Variants in VTA1 observed in about 807,000 individuals in gnomAD.
VTA1 encodes the protein vacuolar protein sorting-associated protein VTA1 homolog.
Under a neutral mutation model 36.9 loss-of-function variants are expected in VTA1, and 24 were observed. The observed-to-expected ratio is 0.65, with a 90% confidence interval of 0.47 to 0.91. The LOEUF (loss-of-function observed/expected upper bound fraction) is 0.91, where lower values mean the gene tolerates loss of function less well. VTA1 is among the 40% of genes least tolerant of loss of function. The pLI is 0.00. For synonymous variants in VTA1, 142 were observed against 130.2 expected, an observed-to-expected ratio of 1.09 and a Z score of -0.62; for missense variants, 393 against 377.2, an observed-to-expected ratio of 1.04 and a Z score of -0.35.
At chr6:142,181,368 C>T (rs534926998) in intron 4 of VTA1, among the ~76,000 whole-genome samples, 4 of 148,142 alleles carry the variant, frequency 2.7e-5, no homozygotes, top group Non-Finnish European at 4.5e-5. Flanking sequence ...CTCCTGACCT[C>T]GTGATCCGCC....
intron 6 of VTA1, among the ~76,000 whole-genome samples, chr6:142,199,068 G>A (rs1775626834): frequency 6.6e-6 from 1 of 151,908 alleles, no homozygotes; most frequent in Admixed American, 6.6e-5. Flanking sequence ...TATTGATGAT[G>A]GGGAATGGGC....
intron 1 of VTA1, among the ~76,000 whole-genome samples, chr6:142,162,867 A>G (rs1013523843): frequency 6.6e-6 from 1 of 152,200 alleles, no homozygotes; most frequent in Admixed American, 6.5e-5. Context: ...AGTAATGTGC[A>G]TAGTTGAATG....
intron 1 of VTA1, among the ~76,000 whole-genome samples, chr6:142,151,988 G>A (rs377760880): frequency 9.1e-4 from 139 of 152,136 alleles, no homozygotes; most frequent in Non-Finnish European, 1.6e-3. Context: ...AGCTGAGATC[G>A]TGCAATTGCA....
chr6:142,180,190 A>T (rs1295896209), intron 4 of VTA1, among the ~76,000 whole-genome samples: 1 of 152,188 alleles, frequency 6.6e-6, no homozygotes, highest in African/African-American at 2.4e-5. Context: ...GGACTTTCGT[A>T]AAAAGTGCTT....
At chr6:142,191,188 T>G (rs1775448851) in intron 5 of VTA1, among the ~76,000 whole-genome samples, 1 of 152,178 alleles carries the variant, frequency 6.6e-6, no homozygotes, top group South Asian at 2.1e-4. Context: ...ACTCAGAATA[T>G]TTCTAGTCTT....
chr6:142,176,601 CTTT>C (rs10689552), intron 4 of VTA1, among the ~76,000 whole-genome samples: 1 of 138,562 alleles, frequency 7.2e-6, no homozygotes. Context: ...AAGGTTCAGC[CTTT>C]TTTTTTTTTT....
At chr6:142,165,293 G>T (rs951867814) in intron 1 of VTA1, among the ~76,000 whole-genome samples, 4 of 152,060 alleles carry the variant, frequency 2.6e-5, no homozygotes, top group Non-Finnish European at 4.4e-5. Context: ...TTTTGTTTTG[G>T]GGGGCAGCGT....
intron 4 of VTA1, among the ~76,000 whole-genome samples, chr6:142,187,474 G>A (rs1300403894): frequency 6.6e-6 from 1 of 152,200 alleles, no homozygotes; most frequent in Admixed American, 6.5e-5. Flanking sequence ...ACGCATGTGG[G>A]CTCCCTGCCA....
chr6:142,174,005 AGC>A (rs1288171051), intron 4 of VTA1, among the ~76,000 whole-genome samples: 4 of 152,172 alleles, frequency 2.6e-5, no homozygotes, highest in African/African-American at 9.7e-5. Context: ...AGAATAAAGT[AGC>A]GTCTTTGTTG....
intron 5 of VTA1, among the ~76,000 whole-genome samples, chr6:142,198,119 A>ATATGTGTG (rs1315222547): frequency 1.1e-4 from 11 of 98,248 alleles, no homozygotes; most frequent in African/African-American, 3.7e-4. Flanking sequence ...ATATATATAT[A>ATATGTGTG]TGTGTGTGTG....
chr6:142,174,563 G>C (rs1562260413), intron 4 of VTA1, among the ~76,000 whole-genome samples: 1 of 152,134 alleles, frequency 6.6e-6, no homozygotes, highest in East Asian at 1.9e-4. Context: ...ATCTTTAGGA[G>C]ACTATTGGGA....
At chr6:142,192,651 A>T (rs999137110) in intron 5 of VTA1, among the ~76,000 whole-genome samples, 1 of 148,640 alleles carries the variant, frequency 6.7e-6, no homozygotes, top group African/African-American at 2.5e-5. Context: ...CTCTCTCCCC[A>T]CTCCCCCTAC....
At chr6:142,154,897 A>G (rs1392278871) in intron 1 of VTA1, among the ~76,000 whole-genome samples, 2 of 152,062 alleles carry the variant, frequency 1.3e-5, no homozygotes, top group Admixed American at 6.5e-5. Context: ...TTGTTGAGAA[A>G]ATTACTCCTT....
intron 4 of VTA1, among the ~76,000 whole-genome samples, chr6:142,187,750 A>G (rs1303335858): frequency 6.6e-6 from 1 of 152,154 alleles, no homozygotes; most frequent in African/African-American, 2.4e-5. Context: ...ATACAAATTT[A>G]GTAATTTAGG....
At position 142,221,970 on chromosome 6, in the gene VTA1, CAA is replaced by C. The variant is rs1181395480; in HGVS notation, c.*3339_*3340del. On this transcript the variant is annotated 3_prime_UTR_variant, in exon 8 of 8. Coordinates refer to ENST00000367630, the MANE Select transcript of VTA1 (RefSeq NM_016485.5). ...TGGGCGACAGAGCGAGACTCCTTCTCAAAAAAAAAAAAAGTATTACAATAATC... is the reference window on the plus strand; with the variant it reads ...TGGGCGACAGAGCGAGACTCCTTCTCAAAAAAAAAAAGTATTACAATAATC... 6 of 129,738 alleles carry C rather than the reference CAA, an allele frequency of 4.6e-5. No individual in the cohort carries two copies. Among genetic ancestry groups the C allele is most frequent in the Admixed American group, 7.8e-5 (1 of 12,786 alleles). 8.0% of individuals were successfully genotyped at this position (129,738 alleles called of 1,614,324 possible).
intron 4 of VTA1, among the ~76,000 whole-genome samples, chr6:142,183,960 T>C (rs948512621): frequency 1.3e-5 from 2 of 152,196 alleles, no homozygotes; most frequent in Admixed American, 6.5e-5. Flanking sequence ...TGCTCATGCT[T>C]AGATATTAGG....
rs371840928 is a variant in VTA1 at position 142,172,571 on chromosome 6, G to T, written c.411+2150G>T. Among the ~76,000 whole-genome samples the T allele has an allele frequency of 7.2e-5, 11 of 152,130 alleles. No homozygotes were observed. In the East Asian group the frequency reaches 1.9e-3, roughly 27 times the overall value. ...TGAAAACCTGAACTATTACTCAATGGGTATTACCTTTTTATATTCTGATGG... is the reference window on the plus strand; with the variant it reads ...TGAAAACCTGAACTATTACTCAATGTGTATTACCTTTTTATATTCTGATGG... On this transcript the variant is annotated intron_variant, in intron 4 of 7. Coordinates refer to ENST00000367630, the MANE Select transcript of VTA1 (RefSeq NM_016485.5).
At chr6:142,193,300 A>G (rs1472803170) in intron 5 of VTA1, among the ~76,000 whole-genome samples, 1 of 152,096 alleles carries the variant, frequency 6.6e-6, no homozygotes, top group Non-Finnish European at 1.5e-5. Context: ...TTTTGGTGAA[A>G]TATTGGTGAT....
chr6:142,165,411 A>G (rs531472316), intron 1 of VTA1, among the ~76,000 whole-genome samples: 11 of 152,326 alleles, frequency 7.2e-5, no homozygotes, highest in African/African-American at 2.6e-4. Flanking sequence ...GTATTTTGCA[A>G]TTCAGGAGTT....
Sources: allele counts gnomAD v4.1 joint callset (sites outside exome capture counted in the v4.1 genomes callset), GRCh38; gene constraint gnomAD v4.1.1; transcripts MANE v1.5; gene names NCBI Gene and HGNC (gene_info 2026-07-23, HGNC 2026-07-21).